MDGA2: variants seen among roughly 807,000 people sequenced by gnomAD.
MDGA2 encodes MAM domain-containing glycosylphosphatidylinositol anchor protein 2.
A neutral mutation model predicts 117.8 loss-of-function variants in MDGA2; 40 were observed. That is an observed-to-expected ratio of 0.34 (90% CI 0.26 to 0.44). MDGA2 has a LOEUF of 0.44. Ranked by LOEUF, MDGA2 falls within the 20% of genes least tolerant of loss-of-function variation. The pLI is 1.00. For missense variants in MDGA2, 1,123 were observed against 1,250.6 expected (o/e 0.90, Z 1.54); for synonymous variants, 452 against 439.0 (o/e 1.03, Z -0.37).
chr14:47,211,807 A>G (rs1335256258), intron 3 of MDGA2, among the ~76,000 whole-genome samples: 1 of 152,194 alleles, frequency 6.6e-6, no homozygotes, highest in East Asian at 1.9e-4. Flanking sequence ...AGGCCACAAT[A>G]AACTTTTACT....
chr14:47,248,353 A>G (rs1484152289), intron 2 of MDGA2, among the ~76,000 whole-genome samples: 3 of 151,754 alleles, frequency 2.0e-5, no homozygotes, highest in Non-Finnish European at 4.4e-5. Context: ...CTCTTTCCAC[A>G]TCTTATATAA....
chr14:47,302,143 C>A (rs1275130098), intron 1 of MDGA2, among the ~76,000 whole-genome samples: 1 of 152,124 alleles, frequency 6.6e-6, no homozygotes. Flanking sequence ...ACCATTGTCG[C>A]CTGAGTCTAA....
At chr14:47,553,425 C>A (rs1895623997) in intron 1 of MDGA2, among the ~76,000 whole-genome samples, 1 of 152,078 alleles carries the variant, frequency 6.6e-6, no homozygotes, top group Non-Finnish European at 1.5e-5. Flanking sequence ...TATTATGTAA[C>A]ATGAATAGAT....
chr14:47,364,456 G>A (rs1891188832), intron 1 of MDGA2, among the ~76,000 whole-genome samples: 1 of 152,048 alleles, frequency 6.6e-6, no homozygotes, highest in South Asian at 2.1e-4. Context: ...AGTAGAGACG[G>A]GGTTTCACCG....
intron 1 of MDGA2, among the ~76,000 whole-genome samples, chr14:47,421,684 G>C (rs2138508128): frequency 6.6e-6 from 1 of 152,214 alleles, no homozygotes; most frequent in Middle Eastern, 3.4e-3. Context: ...TACAACCGAT[G>C]CATGTGAGGA....
At chr14:47,463,145 C>T (rs1893526793) in intron 1 of MDGA2, among the ~76,000 whole-genome samples, 1 of 152,126 alleles carries the variant, frequency 6.6e-6, no homozygotes, top group Non-Finnish European at 1.5e-5. Context: ...GGGCAACAAA[C>T]ATTTTGTCAT....
intron 5 of MDGA2, among the ~76,000 whole-genome samples, chr14:47,102,045 C>T (rs1277334067): frequency 3.9e-5 from 6 of 151,924 alleles, no homozygotes; most frequent in Non-Finnish European, 5.9e-5. Flanking sequence ...TTGTTTTTGC[C>T]GCTACCTAAC....
intron 1 of MDGA2, among the ~76,000 whole-genome samples, chr14:47,495,398 C>A (rs1739045709): frequency 6.6e-6 from 1 of 150,800 alleles, no homozygotes; most frequent in South Asian, 2.1e-4. Flanking sequence ...CCACTTGTAT[C>A]CCTAAATCCA....
chr14:47,131,686 C>T lies in MDGA2; in HGVS notation c.925+28G>A, dbSNP rs796191308. On this transcript the variant is annotated intron_variant, in intron 5 of 16. Coordinates refer to ENST00000399232, the MANE Select transcript of MDGA2 (RefSeq NM_001113498.3). Reference sequence around the variant, plus strand: ...TTAAACATTAGTTGTAGATAAGATACATGTAACATACAGAGATAATTCCAT... The same window carrying T: ...TTAAACATTAGTTGTAGATAAGATATATGTAACATACAGAGATAATTCCAT... The T allele has an allele frequency of 2.7e-6, 4 of 1,456,860 alleles. No homozygotes were observed. The African/African-American group carries it at 4.2e-5, about 15-fold the overall frequency. 90.2% of individuals were successfully genotyped at this position (1,456,860 alleles called of 1,614,324 possible). A position where few individuals can be genotyped will look rare whatever the true frequency, so the allele number is the denominator to read the frequency against.
intron 8 of MDGA2, among the ~76,000 whole-genome samples, chr14:46,970,551 G>A (rs1886222982): frequency 6.6e-6 from 1 of 152,024 alleles, no homozygotes; most frequent in African/African-American, 2.4e-5. Context: ...ACCCAAGATG[G>A]AATAAAGACT....
chr14:47,582,645 C>G (rs1192851541), intron 1 of MDGA2, among the ~76,000 whole-genome samples: 2 of 151,874 alleles, frequency 1.3e-5, no homozygotes, highest in African/African-American at 4.8e-5. Flanking sequence ...CACATACAAT[C>G]TTTTCCATTG....
chr14:47,568,342 A>G (rs1425590171), intron 1 of MDGA2, among the ~76,000 whole-genome samples: 1 of 152,206 alleles, frequency 6.6e-6, no homozygotes, highest in Admixed American at 6.5e-5. Context: ...AATCATACAA[A>G]TATAACAAAA....
chr14:47,070,898 G>A (rs187613420), intron 6 of MDGA2, among the ~76,000 whole-genome samples: 58 of 152,282 alleles, frequency 3.8e-4, no homozygotes, highest in Admixed American at 1.9e-3. Context: ...GTGAACCACC[G>A]CACCCAGCCT....
intron 8 of MDGA2, among the ~76,000 whole-genome samples, chr14:47,005,750 T>C (rs1455943752): frequency 6.6e-6 from 1 of 151,616 alleles, no homozygotes. Flanking sequence ...CCTATATGTA[T>C]ATTGATACCA....
chr14:47,561,247 G>C (rs61572255), intron 1 of MDGA2, among the ~76,000 whole-genome samples: 85,997 of 142,506 alleles, frequency 0.6, 27,278 homozygotes, highest in East Asian at 0.98. Context: ...TTTTAAAATA[G>C]TTTGTTCTAG....
At chr14:47,286,356 A>G (rs1265498894) in intron 2 of MDGA2, among the ~76,000 whole-genome samples, 1 of 152,032 alleles carries the variant, frequency 6.6e-6, no homozygotes, top group Non-Finnish European at 1.5e-5. Flanking sequence ...TTACACACTA[A>G]CCAAACCCTC....
At chr14:46,892,272 C>A (rs1053562256) in intron 10 of MDGA2, among the ~76,000 whole-genome samples, 3 of 151,330 alleles carry the variant, frequency 2.0e-5, no homozygotes, top group African/African-American at 7.3e-5. Flanking sequence ...CAAGAATAGC[C>A]TCTTCAGTAA....
intron 1 of MDGA2, among the ~76,000 whole-genome samples, chr14:47,645,733 G>T (rs1049675044): frequency 2.0e-5 from 3 of 151,926 alleles, no homozygotes; most frequent in Admixed American, 1.3e-4. Context: ...TAACCAAAAT[G>T]TAACTATTTA....
chr14:47,206,578 AAAAAT>A (rs1443240741), intron 3 of MDGA2, among the ~76,000 whole-genome samples: 2 of 151,886 alleles, frequency 1.3e-5, no homozygotes, highest in African/African-American at 4.8e-5. Flanking sequence ...TCTCAAATAT[AAAAAT>A]AAAATAAAAT....
Sources: gnomAD v4.1 joint callset for allele counts (sites outside exome capture counted in the v4.1 genomes callset) on GRCh38, gnomAD v4.1.1 for gene constraint, MANE v1.5 for transcripts, NCBI Gene and HGNC (gene_info 2026-07-23, HGNC 2026-07-21) for gene names.